Variants in TRH observed in about 807,000 individuals in gnomAD.
TRH encodes TSH-releasing factor.
TRH carries 5 observed loss-of-function variants against 5.2 expected under a neutral mutation model. The ratio of observed to expected loss-of-function variants is 0.95; its 90% CI spans 0.50 to 2.00. The LOEUF (loss-of-function observed/expected upper bound fraction) is 2.00. TRH is among the 30% of genes most tolerant of loss of function. TRH has a pLI of 0.01. For synonymous variants in TRH, 131 were observed against 128.6 expected (o/e 1.02, Z -0.13); for missense variants, 318 against 312.8 (o/e 1.02, Z -0.13).
rs767378955 is a variant in TRH at position 129,977,311 on chromosome 3, C to A, written c.*95C>A. ...GACCTCTGTATTCTCTAGTTAGATC[C>A]CTGACCATAAGCCTGAGCCCCTCCC... On this transcript the variant is annotated 3_prime_UTR_variant, in exon 3 of 3. Transcript: ENST00000302649. The A allele has an allele frequency of 4.2e-4, 588 of 1,406,324 alleles. 4 individuals carry two copies. Among genetic ancestry groups the A allele is most frequent in the Middle Eastern group, 7.7e-4 (3 of 3,876 alleles). The allele number at this position is 1,406,324 out of a possible 1,614,324, so 87.1% of individuals were successfully genotyped here.
chr3:129,976,488 G>A (rs932831984), intron 2 of TRH, among the ~76,000 whole-genome samples: 30 of 152,208 alleles, frequency 2.0e-4, no homozygotes, highest in African/African-American at 6.5e-4. Context: ...ACTAGGGAGC[G>A]CCAGAGCTGG....
At chr3:129,975,383 G>A (rs1232015234) in intron 1 of TRH, among the ~76,000 whole-genome samples, 2 of 152,200 alleles carry the variant, frequency 1.3e-5, no homozygotes, top group Non-Finnish European at 2.9e-5. Flanking sequence ...ACGTGGCGAT[G>A]GGGACCTTTG....
Position 129,976,912 on chromosome 3 carries a change from C to G in TRH, c.425C>G (p.Pro142Arg), listed in dbSNP as rs769299216. 6.2e-7 allele frequency: 1 copy of G among 1,613,776 alleles called. No individual in the cohort carries two copies. Among genetic ancestry groups the G allele is most frequent in the Non-Finnish European group, 8.5e-7 (1 of 1,179,954 alleles). ...HKRQHPGRRS[P>R]WLAYAVPKRQ... is the part of the protein sequence containing the mutation. ...CGGCAGCATCCTGGCCGGCGCTCCC[C>G]CTGGCTTGCATATGCTGTCCCGAAG... The change falls in exon 3 of 3, where the codon CCC (proline) becomes CGC (arginine). Residue 142 changes from proline (P) to arginine (R), a missense_variant. By Grantham distance (103) the Pro-to-Arg change is moderately radical. Transcript: ENST00000302649.
intron 1 of TRH, among the ~76,000 whole-genome samples, chr3:129,975,155 G>A (rs1488889408): frequency 1.3e-5 from 2 of 152,196 alleles, no homozygotes; most frequent in Admixed American, 1.3e-4. Flanking sequence ...GAACCTGGGA[G>A]TTCGAATCCC....
intron 1 of TRH, among the ~76,000 whole-genome samples, chr3:129,975,525 G>GTGGCGC (rs1049828913): frequency 1.3e-5 from 2 of 152,208 alleles, no homozygotes; most frequent in African/African-American, 2.4e-5. Flanking sequence ...AAGGGTGGCG[G>GTGGCGC]TGGCGCTGGC....
chr3:129,976,803 G>A lies in TRH; in HGVS notation c.316G>A (p.Gly106Arg). 6.2e-7 allele frequency: 1 copy of A among 1,613,958 alleles called. No homozygotes were observed. The highest frequency in any genetic ancestry group is 8.5e-7 in the Non-Finnish European group (1 of 1,179,984). The stretch of plus-strand genomic sequence containing the variant: ...TGAAGAAGAGGAAGAGGAAGAAGGG[G>A]GGGCTGTGGGACCCCACAAACGGCA... ...GVEEEEEEEG[G>R]AVGPHKRQHP... The change falls in exon 3 of 3, where the codon GGG becomes AGG. Residue 106 changes from glycine to arginine, a missense_variant. Gly to Arg is a moderately radical substitution (Grantham distance 125). Coordinates refer to ENST00000302649, the MANE Select transcript of TRH (RefSeq NM_007117.5).
Position 129,976,689 on chromosome 3 carries a change from C to T in TRH, c.212-10C>T, listed in dbSNP as rs2062545492. On this transcript the variant is annotated splice_polypyrimidine_tract_variant and intron_variant, in intron 2 of 2. Transcript: ENST00000302649. The stretch of plus-strand genomic sequence containing the variant: ...TCAGGGGCCCCTCACTGACCTCTTT[C>T]CTTCCCCAGCGTCCCAGATCTTTCA... 1 of 1,607,180 alleles carries T rather than the reference C, an allele frequency of 6.2e-7. No individual in the cohort carries two copies. The highest frequency in any genetic ancestry group is 1.3e-5 in the African/African-American group (1 of 74,654).
chr3:129,976,654 A>G (rs2062545337), intron 2 of TRH, 45 bp from the exon 3 acceptor site: 12 of 1,561,358 alleles, frequency 7.7e-6, no homozygotes, highest in Non-Finnish European at 1.0e-5. Flanking sequence ...GCGCCTGCCT[A>G]TTACATGGGT....
intron 1 of TRH, among the ~76,000 whole-genome samples, chr3:129,975,457 G>T (rs1319310278): frequency 6.6e-6 from 1 of 152,124 alleles, no homozygotes. Flanking sequence ...CAATCTCAAT[G>T]GTTGCACTCC....
chr3:129,977,672 C>G lies in TRH; in HGVS notation c.*456C>G, dbSNP rs1418949208. ...CCTGGCAGGATTCTCCATGTGTAAACTTCACCCCCAGGACCCAGGATCTTC... is the reference window on the plus strand; with the variant it reads ...CCTGGCAGGATTCTCCATGTGTAAAGTTCACCCCCAGGACCCAGGATCTTC... On this transcript the variant is annotated 3_prime_UTR_variant, in exon 3 of 3. Coordinates refer to ENST00000302649, the MANE Select transcript of TRH (RefSeq NM_007117.5). The G allele has an allele frequency of 6.5e-6, 1 of 154,400 alleles. No individual in the cohort carries two copies. The highest frequency in any genetic ancestry group is 1.4e-5 in the Non-Finnish European group (1 of 69,642). The allele number at this position is 154,400 out of a possible 1,614,324, so 9.6% of individuals were successfully genotyped here. A position where few individuals can be genotyped will look rare whatever the true frequency, so the allele number is the denominator to read the frequency against.
rs371956130 is a variant in TRH, at chr3:129,977,104, C to G, written c.617C>G (p.Ala206Gly). ...GGGCCCCAGGGAGCCTATGGTCAAG[C>G]GGGCCTTCTGCTGGGGCTCCTGGAT... is the stretch of plus-strand genomic sequence containing the variant. ...PCGPQGAYGQ[A>G]GLLLGLLDDL... The change falls in exon 3 of 3, where the codon GCG (alanine) becomes GGG (glycine). Residue 206 changes from alanine to glycine, a missense_variant. Coordinates refer to ENST00000302649, the MANE Select transcript of TRH (RefSeq NM_007117.5). 1 of 1,571,172 alleles carries G rather than the reference C, an allele frequency of 6.4e-7. No individual in the cohort carries two copies. The highest frequency in any genetic ancestry group is 1.4e-5 in the African/African-American group (1 of 72,698).
rs544723390 is a variant in TRH at position 129,976,939 on chromosome 3, G to A, written c.452G>A (p.Arg151Gln). The A allele has an allele frequency of 1.7e-5, 27 of 1,613,658 alleles. No individual in the cohort carries two copies. Among genetic ancestry groups the A allele is most frequent in the South Asian group, 2.2e-5 (2 of 91,064 alleles). Residue 151 changes from arginine to glutamine, a missense_variant, in exon 3 of 3, where the codon CGG (arginine) becomes CAG (glutamine). Arg to Gln is a conservative substitution (Grantham distance 43). Transcript: ENST00000302649. ...TGGCTTGCATATGCTGTCCCGAAGC[G>A]GCAGCACCCAGGCAGAAGGCTGGCA... ...SPWLAYAVPKRQHPGRRLADP... is the reference protein window; with the variant it reads ...SPWLAYAVPKQQHPGRRLADP...
In TRH at chr3:129,976,747, G is replaced by T. The variant is rs1175646077; in HGVS notation, c.260G>T (p.Gly87Val). Reference protein sequence around the residue: ...SDWLSKRQHPGKREEEEEEGV... With the variant: ...SDWLSKRQHPVKREEEEEEGV... ...TGGCTCTCCAAACGTCAGCATCCAG[G>T]CAAAAGAGAGGAGGAGGAGGAAGAG... The change falls in exon 3 of 3, where the codon GGC becomes GTC. Residue 87 changes from glycine to valine, a missense_variant. Coordinates refer to ENST00000302649, the MANE Select transcript of TRH (RefSeq NM_007117.5). 6.2e-7 allele frequency: 1 copy of T among 1,613,966 alleles called. No individual in the cohort carries two copies. The highest frequency in any genetic ancestry group is 1.1e-5 in the South Asian group (1 of 91,064).
In TRH at chr3:129,977,403, A is replaced by G; in HGVS notation, c.*187A>G. ...CCCTCTTCCTTTAGGCATGTGAGAA[A>G]ATCAGCCTAGCAGTTTAAACCCCAC... On this transcript the variant is annotated 3_prime_UTR_variant, in exon 3 of 3. Transcript: ENST00000302649. The G allele has an allele frequency of 6.8e-6, 5 of 740,682 alleles. No individual in the cohort carries two copies. 45.9% of individuals were successfully genotyped at this position (740,682 alleles called of 1,614,324 possible).
At position 129,977,203 on chromosome 3, in the gene TRH, C is replaced by T; in HGVS notation, c.716C>T (p.Pro239Leu). 6.6e-7 allele frequency: 1 copy of T among 1,517,624 alleles called. No individual in the cohort carries two copies. The highest frequency in any genetic ancestry group is 8.8e-7 in the Non-Finnish European group (1 of 1,135,738). 94.0% of individuals were successfully genotyped at this position (1,517,624 alleles called of 1,614,324 possible). The change falls in exon 3 of 3, where the codon CCC (proline) becomes CTC (leucine). Residue 239 changes from proline to leucine, a missense_variant. Coordinates refer to ENST00000302649, the MANE Select transcript of TRH (RefSeq NM_007117.5). The stretch of plus-strand genomic sequence containing the variant: ...CGGCGGGCAGCCTGGGTCAGAGAGC[C>T]CCTGGAGGAGTGAACCCAGTTTTCC... ...PGRRAAWVRE[P>L]LEE
intron 1 of TRH, 47 bp from the exon 2 acceptor site, chr3:129,975,762 T>A: frequency 6.6e-7 from 1 of 1,515,362 alleles, no homozygotes; most frequent in Non-Finnish European, 8.9e-7. Flanking sequence ...TGGAGCGGGA[T>A]GTGCTGTGAT....
chr3:129,975,865 A>G lies in TRH; in HGVS notation c.49A>G (p.Thr17Ala), dbSNP rs1160005291. The G allele has an allele frequency of 6.2e-7, 1 of 1,612,438 alleles. No individual in the cohort carries two copies. Among genetic ancestry groups the G allele is most frequent in the Non-Finnish European group, 8.5e-7 (1 of 1,179,838 alleles). ...LLALALTLNL[T>A]GVPGGRAQPE... ...CGCTCTGGCTTTGACCCTGAACCTG[A>G]CCGGTGTCCCCGGCGGCCGTGCTCA... Residue 17 changes from threonine (T) to alanine (A), a missense_variant, in exon 2 of 3, where the codon ACC becomes GCC. By Grantham distance (58) the Thr-to-Ala change is moderately conservative. Transcript: ENST00000302649.
chr3:129,976,021 C>G lies in TRH; in HGVS notation c.205C>G (p.His69Asp), dbSNP rs753326390. 1.2e-5 allele frequency: 19 copies of G among 1,613,746 alleles called. No individual in the cohort carries two copies. The highest frequency in any genetic ancestry group is 1.7e-5 in the Admixed American group (1 of 59,986). Residue 69 changes from histidine (H) to aspartate (D), a missense_variant, in exon 2 of 3, where the codon CAC (histidine) becomes GAC (aspartate). Coordinates refer to ENST00000302649, the MANE Select transcript of TRH (RefSeq NM_007117.5). ...GCGGCTGCAAGGGGACCAGGGTGAG[C>G]ACTCCGGTGAGTGGATGGGGCTGTT... ...IQRLQGDQGEHSASQIFQSDW... is the reference protein window; with the variant it reads ...IQRLQGDQGEDSASQIFQSDW...
chr3:129,976,888 G>C lies in TRH; in HGVS notation c.401G>C (p.Arg134Pro). The change falls in exon 3 of 3, where the codon CGG (arginine) becomes CCG (proline). Residue 134 changes from arginine to proline, a missense_variant. By Grantham distance (103) the Arg-to-Pro change is moderately radical. Coordinates refer to ENST00000302649, the MANE Select transcript of TRH (RefSeq NM_007117.5). Reference sequence around the variant, plus strand: ...TCAGTCGATGTAACCCAGCACAAGCGGCAGCATCCTGGCCGGCGCTCCCCC... The same window carrying C: ...TCAGTCGATGTAACCCAGCACAAGCCGCAGCATCCTGGCCGGCGCTCCCCC... ...SWSVDVTQHKRQHPGRRSPWL... is the reference protein window; with the variant it reads ...SWSVDVTQHKPQHPGRRSPWL... 1 of 1,613,430 alleles carries C rather than the reference G, an allele frequency of 6.2e-7. No individual in the cohort carries two copies. The highest frequency in any genetic ancestry group is 1.7e-4 in the Middle Eastern group (1 of 6,060).
Sources: allele counts gnomAD v4.1 joint callset (sites outside exome capture counted in the v4.1 genomes callset), GRCh38; gene constraint gnomAD v4.1.1; transcripts MANE v1.5; gene names NCBI Gene and HGNC (gene_info 2026-07-23, HGNC 2026-07-21).